The following GALNT11 variants were observed in gnomAD, a reference collection of about 807,000 sequenced individuals.
GALNT11 encodes the protein polypeptide N-acetylgalactosaminyltransferase 11, also known as UDP-GalNAc:polypeptide N-acetylgalactosaminyltransferase 11.
GALNT11 carries 47 observed loss-of-function variants against 72.7 expected under a neutral mutation model. The observed-to-expected ratio is 0.65, with a 90% confidence interval of 0.51 to 0.82. The LOEUF is 0.82. Ranked by LOEUF, GALNT11 falls within the 40% of genes least tolerant of loss-of-function variation. The pLI, the probability that GALNT11 is intolerant of heterozygous loss-of-function variation, is 0.00. For missense variants in GALNT11, 677 were observed against 778.4 expected, an observed-to-expected ratio of 0.87 and a Z score of 1.55; for synonymous variants, 270 against 286.6, an observed-to-expected ratio of 0.94 and a Z score of 0.58.
Position 152,103,239 on chromosome 7 carries a change from C to T in GALNT11, c.547C>T (p.Leu183Phe), listed in dbSNP as rs752507524. Residue 183 changes from leucine to phenylalanine, a missense_variant, in exon 4 of 12, where the codon CTT becomes TTT. By Grantham distance (22) the Leu-to-Phe change is conservative. Transcript: ENST00000430044. Reference sequence around the variant, plus strand: ...CATAGACCGCACGCCAGCACACCTGCTTCATGAGATCATCCTTGTGGATGA... The same window carrying T: ...CATAGACCGCACGCCAGCACACCTGTTTCATGAGATCATCCTTGTGGATGA... The part of the protein sequence containing the change: ...SVIDRTPAHL[L>F]HEIILVDDDS... 23 of 1,613,662 alleles carry T rather than the reference C, an allele frequency of 1.4e-5. No individual in the cohort carries two copies. The Admixed American group carries it at 3.8e-4, about 27-fold the overall frequency.
At chr7:152,061,049 A>T (rs2083982893) in intron 1 of GALNT11, among the ~76,000 whole-genome samples, 1 of 152,162 alleles carries the variant, frequency 6.6e-6, no homozygotes, top group Non-Finnish European at 1.5e-5. Context: ...GAATCACCAC[A>T]CTGTCTTCCA....
intron 8 of GALNT11, 54 bp from the exon 9 acceptor site, chr7:152,117,103 C>T (rs1313688781): frequency 6.8e-6 from 10 of 1,471,806 alleles, no homozygotes; most frequent in Non-Finnish European, 9.2e-6. Context: ...ATAGTTGTAT[C>T]ATCATTTTTA....
At chr7:152,039,438 A>G (rs1412352134) in intron 1 of GALNT11, among the ~76,000 whole-genome samples, 9 of 152,198 alleles carry the variant, frequency 5.9e-5, no homozygotes, top group African/African-American at 2.2e-4. Context: ...AATATGCCCA[A>G]TAAGTGTAAT....
chr7:152,079,161 A>G (rs1021328792), intron 1 of GALNT11: 4 of 152,164 alleles, frequency 2.6e-5, no homozygotes, highest in Admixed American at 6.5e-5. Flanking sequence ...TTCAATTTAT[A>G]TTATTTGTTT....
intron 1 of GALNT11, among the ~76,000 whole-genome samples, chr7:152,027,381 T>C (rs2082072513): frequency 6.6e-6 from 1 of 152,248 alleles, no homozygotes; most frequent in Non-Finnish European, 1.5e-5. Flanking sequence ...CAAGCATTTA[T>C]CCTTTGTTAG....
intron 1 of GALNT11, among the ~76,000 whole-genome samples, chr7:152,093,074 C>CA (rs1315117517): frequency 3.3e-5 from 5 of 151,986 alleles, no homozygotes. Context: ...ACTAAAAATA[C>CA]AAAAACTAGC....
chr7:152,076,513 C>T (rs1364838349), intron 1 of GALNT11, among the ~76,000 whole-genome samples: 2 of 152,194 alleles, frequency 1.3e-5, no homozygotes, highest in African/African-American at 4.8e-5. Context: ...AATTCTAGAG[C>T]CAGTGTAGCA....
chr7:152,026,935 C>G (rs2082044990), intron 1 of GALNT11, among the ~76,000 whole-genome samples: 1 of 152,230 alleles, frequency 6.6e-6, no homozygotes, highest in African/African-American at 2.4e-5. Context: ...ACTCATTTCG[C>G]TCAGAATAAA....
At chr7:152,039,311 G>A (rs995058351) in intron 1 of GALNT11, among the ~76,000 whole-genome samples, 2 of 152,124 alleles carry the variant, frequency 1.3e-5, no homozygotes, top group Non-Finnish European at 2.9e-5. Flanking sequence ...GTTTTTGAGG[G>A]TGGTATGCCT....
At chr7:152,090,651 C>G (rs1315593521) in intron 1 of GALNT11, among the ~76,000 whole-genome samples, 2 of 145,218 alleles carry the variant, frequency 1.4e-5, no homozygotes, top group East Asian at 2.0e-4. Context: ...CCCCCACCCC[C>G]CCACCCCACC....
intron 1 of GALNT11, among the ~76,000 whole-genome samples, chr7:152,036,786 T>A (rs2082602499): frequency 6.6e-6 from 1 of 152,212 alleles, no homozygotes; most frequent in Middle Eastern, 3.2e-3. Flanking sequence ...CCATTTTAAC[T>A]GGGGTGAGAT....
Position 152,057,971 on chromosome 7 carries a change from G to A in GALNT11, c.-39+32087G>A, listed in dbSNP as rs77718662. ...TGTGACAGTTTCTCACACTTTCCTC[G>A]TTTTTGATGACCCTGACAGTTTTGA... On this transcript the variant is annotated intron_variant, in intron 1 of 11. Coordinates refer to ENST00000430044, the MANE Select transcript of GALNT11 (RefSeq NM_022087.4). 9.4e-3 allele frequency among the ~76,000 whole-genome samples: 1,431 copies of A among 152,144 alleles called. 13 individuals are homozygous for A. Among genetic ancestry groups the A allele is most frequent in the Middle Eastern group, 0.017 (5 of 294 alleles).
rs769561206 is a variant in GALNT11, at chr7:152,108,269, GAGC to G, written c.945_947del (p.Ala316del). ...CTTTCTGAGCTAGGACGAGCGGAGG[GAGC>G]CACTGCACCAATAAAGTAAGATCGC... On this transcript the variant is annotated inframe_deletion, in exon 6 of 12. Coordinates refer to ENST00000430044, the MANE Select transcript of GALNT11 (RefSeq NM_022087.4). The G allele has an allele frequency of 6.2e-7, 1 of 1,612,034 alleles. No homozygotes were observed. The highest frequency in any genetic ancestry group is 1.1e-5 in the South Asian group (1 of 91,022).
At chr7:152,060,607 T>C (rs908046728) in intron 1 of GALNT11, among the ~76,000 whole-genome samples, 125 of 152,186 alleles carry the variant, frequency 8.2e-4, no homozygotes, top group Non-Finnish European at 1.6e-3. Context: ...GTATATCTCC[T>C]AATGCTATCC....
chr7:152,064,401 CTT>C, intron 1 of GALNT11, among the ~76,000 whole-genome samples: 1 of 152,330 alleles, frequency 6.6e-6, no homozygotes, highest in South Asian at 2.1e-4. Context: ...GGTCTTGACT[CTT>C]TATCCAATTT....
chr7:152,066,777 CAT>C (rs1355258609), intron 1 of GALNT11, among the ~76,000 whole-genome samples: 1 of 152,182 alleles, frequency 6.6e-6, no homozygotes, highest in African/African-American at 2.4e-5. Flanking sequence ...AGAACACACA[CAT>C]TTATTGAGTA....
In GALNT11 at chr7:152,073,557, G is replaced by C. The variant is rs575415825; in HGVS notation, c.-38-20633G>C. Reference sequence around the variant, plus strand: ...TATCTGTTTATCTGTTGGACACCCAGATTCATTCCGTATCTTGGCTATTGT... The same window carrying C: ...TATCTGTTTATCTGTTGGACACCCACATTCATTCCGTATCTTGGCTATTGT... On this transcript the variant is annotated intron_variant, in intron 1 of 11. Coordinates refer to ENST00000430044, the MANE Select transcript of GALNT11 (RefSeq NM_022087.4). 2.6e-5 allele frequency among the ~76,000 whole-genome samples: 4 copies of C among 152,296 alleles called. No homozygotes were observed. In the East Asian group the frequency reaches 5.8e-4, roughly 22 times the overall value.
At chr7:152,028,024 A>G (rs2082115035) in intron 1 of GALNT11, among the ~76,000 whole-genome samples, 1 of 152,146 alleles carries the variant, frequency 6.6e-6, no homozygotes, top group Admixed American at 6.5e-5. Context: ...TTGTGGTCTC[A>G]CTGACTTCAG....
intron 2 of GALNT11, among the ~76,000 whole-genome samples, chr7:152,096,623 G>A (rs1338880737): frequency 1.3e-5 from 2 of 151,110 alleles, no homozygotes; most frequent in Non-Finnish European, 2.9e-5. Context: ...GTTGAGGCAA[G>A]AGAATTGCTT....
Sources: allele counts gnomAD v4.1 joint callset (sites outside exome capture counted in the v4.1 genomes callset), GRCh38; gene constraint gnomAD v4.1.1; transcripts MANE v1.5; gene names NCBI Gene and HGNC (gene_info 2026-07-23, HGNC 2026-07-21).